Variants in SLC35F4 observed in about 807,000 individuals in gnomAD.
The protein encoded by SLC35F4 is solute carrier family 35 member F4, also known as chromosome 14 open reading frame 36.
SLC35F4 carries 24 observed loss-of-function variants against 44.2 expected under a neutral mutation model. The ratio of observed to expected loss-of-function variants is 0.54; its 90% CI spans 0.39 to 0.76. The LOEUF is 0.76. Among genes scored for constraint, SLC35F4 ranks in the 30% least tolerant of loss-of-function variants. SLC35F4 has a pLI of 0.00. For synonymous variants in SLC35F4, 238 were observed against 223.6 expected, an observed-to-expected ratio of 1.06 and a Z score of -0.57; for missense variants, 562 against 586.1, an observed-to-expected ratio of 0.96 and a Z score of 0.42.
intron 1 of SLC35F4, among the ~76,000 whole-genome samples, chr14:57,667,481 TC>T (rs2074352883): frequency 7.9e-6 from 1 of 127,324 alleles, no homozygotes; most frequent in Non-Finnish European, 1.7e-5. Flanking sequence ...CTATCCCTCC[TC>T]CCTCCCCCGA....
chr14:57,962,671 C>T (rs572211027), intron 1 of SLC35F4, among the ~76,000 whole-genome samples: 38 of 152,280 alleles, frequency 2.5e-4, no homozygotes, highest in African/African-American at 8.7e-4. Context: ...ACTTGGGAAT[C>T]GCTTGGCCGT....
intron 1 of SLC35F4, among the ~76,000 whole-genome samples, chr14:57,739,062 G>A (rs960544612): frequency 2.0e-5 from 3 of 151,960 alleles, no homozygotes; most frequent in Admixed American, 2.0e-4. Context: ...TGACATCATA[G>A]CTCTTTATCC....
In SLC35F4 at chr14:57,564,160, C is replaced by T. The variant is rs774694901; in HGVS notation, c.1433G>A (p.Gly478Glu). The change falls in exon 8 of 8, where the codon GGG becomes GAG. Residue 478 changes from glycine to glutamate, a missense_variant. Coordinates refer to ENST00000556826, the MANE Select transcript of SLC35F4 (RefSeq NM_001306087.2). ...CTAAGCCAGTGGTATAGACACTGTC[C>T]CATTGGCTCTGCCTCTGCCCCGCAG... ...IHLRGRGRAN[G>E]TVSIPLA The T allele has an allele frequency of 6.2e-7, 1 of 1,613,624 alleles. No individual in the cohort carries two copies. Among genetic ancestry groups the T allele is most frequent in the South Asian group, 1.1e-5 (1 of 91,042 alleles).
intron 3 of SLC35F4, among the ~76,000 whole-genome samples, chr14:57,583,678 T>C (rs372297435): frequency 1.9e-4 from 29 of 152,320 alleles, no homozygotes; most frequent in African/African-American, 7.0e-4. Context: ...TCCCTCGTTC[T>C]TCCCCTTTCT....
intron 3 of SLC35F4, 84 bp downstream of exon 3, chr14:57,589,132 C>G: frequency 2.8e-6 from 4 of 1,451,208 alleles, no homozygotes; most frequent in Non-Finnish European, 3.7e-6. Context: ...AAAAACTCAA[C>G]TCATATTCCC....
chr14:57,642,504 GAAGTTT>G lies in SLC35F4; in HGVS notation c.104-48386_104-48381del, dbSNP rs140613425. On this transcript the variant is annotated intron_variant, in intron 1 of 7. Transcript: ENST00000556826. Reference sequence around the variant, plus strand: ...CTTTTATTTTTGTGATGTTAAATCAGAAGTTTAACTTTCATCCCCTTCTGAGTTTAT... The same window carrying G: ...CTTTTATTTTTGTGATGTTAAATCAGAACTTTCATCCCCTTCTGAGTTTAT... 4.6e-3 allele frequency among the ~76,000 whole-genome samples: 701 copies of G among 151,602 alleles called. 6 individuals are homozygous for G. The highest frequency in any genetic ancestry group is 0.016 in the African/African-American group (642 of 41,392).
Position 57,743,317 on chromosome 14 carries a change from T to C in SLC35F4, c.103+122406A>G, listed in dbSNP as rs181954311. On this transcript the variant is annotated intron_variant, in intron 1 of 7. Coordinates refer to ENST00000556826, the MANE Select transcript of SLC35F4 (RefSeq NM_001306087.2). ...TTTCTGAAAAGATCAACAAAATTGA[T>C]AGGCCGCTAGCAAGACTAATAAAGA... is the stretch of plus-strand genomic sequence containing the variant. Among the ~76,000 whole-genome samples the C allele has an allele frequency of 3.9e-5, 6 of 152,164 alleles. No homozygotes were observed. The South Asian group carries it at 6.2e-4, about 16-fold the overall frequency.
intron 1 of SLC35F4, among the ~76,000 whole-genome samples, chr14:57,611,168 G>A (rs1286251719): frequency 6.6e-6 from 1 of 152,180 alleles, no homozygotes; most frequent in African/African-American, 2.4e-5. Flanking sequence ...GTGTGTTATA[G>A]GAACTAAATG....
At chr14:57,897,750 A>C (rs1310244935) in intron 1 of SLC35F4, among the ~76,000 whole-genome samples, 13 of 152,208 alleles carry the variant, frequency 8.5e-5, no homozygotes, top group Admixed American at 8.5e-4. Context: ...TTGAACCACA[A>C]ATTATCTCCA....
At chr14:57,805,427 A>T (rs1055300425) in intron 1 of SLC35F4, among the ~76,000 whole-genome samples, 15 of 152,240 alleles carry the variant, frequency 9.9e-5, no homozygotes, top group Admixed American at 9.8e-4. Context: ...ACACCATGGG[A>T]TACTATGCAG....
intron 1 of SLC35F4, among the ~76,000 whole-genome samples, chr14:57,968,634 T>A (rs1396164714): frequency 6.6e-6 from 1 of 152,194 alleles, no homozygotes; most frequent in Non-Finnish European, 1.5e-5. Context: ...ATGCAGACTC[T>A]CAGATTCACC....
chr14:57,565,869 C>T (rs2068181763), intron 7 of SLC35F4, among the ~76,000 whole-genome samples: 1 of 152,098 alleles, frequency 6.6e-6, no homozygotes, highest in Non-Finnish European at 1.5e-5. Context: ...CTACTCAAGA[C>T]TTGAAATTAT....
chr14:57,858,398 G>C (rs1335177440), intron 1 of SLC35F4, among the ~76,000 whole-genome samples: 1 of 151,930 alleles, frequency 6.6e-6, no homozygotes, highest in Non-Finnish European at 1.5e-5. Flanking sequence ...GATGAAGCTG[G>C]AAAGCATCAT....
At chr14:57,788,126 A>G (rs961302052) in intron 1 of SLC35F4, among the ~76,000 whole-genome samples, 18 of 152,138 alleles carry the variant, frequency 1.2e-4, no homozygotes, top group African/African-American at 4.3e-4. Context: ...AGCTGTTCTT[A>G]GACAAAACAA....
chr14:57,779,354 TCTC>T (rs1296998884), intron 1 of SLC35F4, among the ~76,000 whole-genome samples: 1 of 152,034 alleles, frequency 6.6e-6, no homozygotes, highest in East Asian at 1.9e-4. Context: ...ACTATGAACA[TCTC>T]CTTGCAAACA....
intron 1 of SLC35F4, among the ~76,000 whole-genome samples, chr14:57,806,558 C>T (rs1881344706): frequency 6.6e-6 from 1 of 152,086 alleles, no homozygotes; most frequent in Non-Finnish European, 1.5e-5. Flanking sequence ...TGCTCTTTCT[C>T]CCAGATAGCT....
intron 1 of SLC35F4, among the ~76,000 whole-genome samples, chr14:57,874,274 G>A (rs916248298): frequency 2.6e-5 from 4 of 152,158 alleles, no homozygotes; most frequent in African/African-American, 4.8e-5. Flanking sequence ...TCCCTGCTGT[G>A]TAATCTTCTC....
At chr14:57,905,193 G>A (rs808215) in intron 1 of SLC35F4, among the ~76,000 whole-genome samples, 152,286 of 152,296 alleles carry the variant, frequency 1, 76,138 homozygotes, top group Middle Eastern at 1. Context: ...TCTGATGCCT[G>A]CCAAGTTGGT....
chr14:57,980,927 T>C (rs1173394625), intron 1 of SLC35F4, among the ~76,000 whole-genome samples: 1 of 152,146 alleles, frequency 6.6e-6, no homozygotes, highest in Non-Finnish European at 1.5e-5. Context: ...AAAATAGCTG[T>C]GTTATTCGGA....
Sources: allele counts gnomAD v4.1 joint callset (sites outside exome capture counted in the v4.1 genomes callset), GRCh38; gene constraint gnomAD v4.1.1; transcripts MANE v1.5; gene names NCBI Gene and HGNC (gene_info 2026-07-23, HGNC 2026-07-21).